Variants in ZNF605 observed in about 807,000 individuals in gnomAD.
ZNF605 encodes the protein zinc finger protein 605.
Under a neutral mutation model 7.9 loss-of-function variants are expected in ZNF605, and 9 were observed. The observed-to-expected ratio is 1.14, with a 90% CI of 0.68 to 1.98. The LOEUF (loss-of-function observed/expected upper bound fraction) is 1.98. ZNF605 is among the 30% of genes most tolerant of loss of function. The probability of loss-of-function intolerance (pLI) is 0.00; values close to 1 mark genes in which losing one functional copy is unlikely to be tolerated. For synonymous variants in ZNF605, 255 were observed against 260.1 expected, an observed-to-expected ratio of 0.98 and a Z score of 0.19; for missense variants, 673 against 762.4, an observed-to-expected ratio of 0.88 and a Z score of 1.38.
At position 132,933,951 on chromosome 12, in the gene ZNF605, T is replaced by A. The variant is rs1252154081; in HGVS notation, c.16-796A>T. On this transcript the variant is annotated intron_variant, in intron 3 of 4. Transcript: ENST00000360187. The surrounding 1 kb of genome is among the most constrained non-coding windows in gnomAD (Gnocchi z 4.4). Reference sequence around the variant, plus strand: ...AGCATGCCTGGCCTCTGTCTGCTAATGACAGTAATATCTCTCAGTCACTGG... The same window carrying A: ...AGCATGCCTGGCCTCTGTCTGCTAAAGACAGTAATATCTCTCAGTCACTGG... Among the ~76,000 whole-genome samples, 2 of 152,236 alleles carry A rather than the reference T, an allele frequency of 1.3e-5. No homozygotes were observed. Among genetic ancestry groups the A allele is most frequent in the African/African-American group, 4.8e-5 (2 of 41,472 alleles).
At chr12:132,935,165 C>T (rs1165333819) in intron 3 of ZNF605, among the ~76,000 whole-genome samples, 2 of 152,070 alleles carry the variant, frequency 1.3e-5, no homozygotes, top group Admixed American at 6.6e-5. Context: ...CATTCCAGTC[C>T]CAGCAGCTAC....
At position 132,922,018 on chromosome 12, in the gene ZNF605, GT is replaced by G. The variant is rs1401137230; in HGVS notation, c.*3354del. ...TTTCCGGTGAGAACTGATGGGAAAG[GT>G]GGTGTGGATTCGTGGACGAAGTCTC... is the stretch of plus-strand genomic sequence containing the variant. On this transcript the variant is annotated 3_prime_UTR_variant, in exon 5 of 5. Transcript: ENST00000360187. 1 of 152,260 alleles carries G rather than the reference GT, an allele frequency of 6.6e-6. No individual in the cohort carries two copies. The highest frequency in any genetic ancestry group is 6.5e-5 in the Admixed American group (1 of 15,286). The allele number at this position is 152,260 out of a possible 1,614,324, so 9.4% of individuals were successfully genotyped here.
intron 1 of ZNF605, among the ~76,000 whole-genome samples, chr12:132,955,249 C>T (rs1952624607): frequency 6.6e-6 from 1 of 152,118 alleles, no homozygotes; most frequent in Non-Finnish European, 1.5e-5. Context: ...TAGCAAAGAC[C>T]AGGCCTGGCC....
Position 132,926,892 on chromosome 12 carries a change from G to C in ZNF605, c.407C>G (p.Thr136Ser). The change falls in exon 5 of 5, where the codon ACC becomes AGC. Residue 136 changes from threonine to serine, a missense_variant. Transcript: ENST00000360187. ...KLLFCIKPGR[T>S]HGGIKYCDCS... ...ATCACAGTATTTTATCCCACCATGGGTTCTGCCAGGTTTGATACAGAACAA... is the reference window on the plus strand; with the variant it reads ...ATCACAGTATTTTATCCCACCATGGCTTCTGCCAGGTTTGATACAGAACAA... 1 of 1,614,014 alleles carries C rather than the reference G, an allele frequency of 6.2e-7. No individual in the cohort carries two copies. Among genetic ancestry groups the C allele is most frequent in the Non-Finnish European group, 8.5e-7 (1 of 1,180,002 alleles).
chr12:132,937,227 C>T (rs1410102750), intron 3 of ZNF605, among the ~76,000 whole-genome samples: 1 of 151,878 alleles, frequency 6.6e-6, no homozygotes. Flanking sequence ...GGCATGGTGA[C>T]ACGCACCTGT....
chr12:132,952,587 G>A (rs1161513770), intron 1 of ZNF605, among the ~76,000 whole-genome samples: 4 of 151,816 alleles, frequency 2.6e-5, no homozygotes, highest in South Asian at 2.1e-4. Context: ...AGTCCGCCAC[G>A]GAAGGCTGGG....
intron 2 of ZNF605, among the ~76,000 whole-genome samples, chr12:132,947,549 G>C (rs922682885): frequency 6.6e-6 from 1 of 152,170 alleles, no homozygotes; most frequent in Non-Finnish European, 1.5e-5. Context: ...CTGGGCTCAA[G>C]TGATCCACTG....
chr12:132,934,703 TAAAAA>T (rs1287567047), intron 3 of ZNF605, among the ~76,000 whole-genome samples: 1 of 25,502 alleles, frequency 3.9e-5, no homozygotes, highest in South Asian at 2.6e-3. Flanking sequence ...AGATTCCGTC[TAAAAA>T]AAAAAAAAAA....
intron 4 of ZNF605, among the ~76,000 whole-genome samples, chr12:132,930,213 T>C (rs1422913516): frequency 1.3e-5 from 2 of 152,158 alleles, no homozygotes; most frequent in South Asian, 4.1e-4. Flanking sequence ...AATATCCTTC[T>C]TGTAGAGATG....
At chr12:132,950,823 ACACT>A (rs1219966773) in intron 1 of ZNF605, among the ~76,000 whole-genome samples, 3 of 152,052 alleles carry the variant, frequency 2.0e-5, no homozygotes, top group Non-Finnish European at 2.9e-5. Context: ...ACATGTACAC[ACACT>A]GATAACGAAC....
At position 132,938,242 on chromosome 12, in the gene ZNF605, A is replaced by C. The variant is rs369157691; in HGVS notation, c.16-5087T>G. Among the ~76,000 whole-genome samples the C allele has an allele frequency of 1.8e-3, 279 of 152,076 alleles. 1 individual carries two copies. The highest frequency in any genetic ancestry group is 3.1e-3 in the Non-Finnish European group (210 of 67,976). On this transcript the variant is annotated intron_variant, in intron 3 of 4. Transcript: ENST00000360187. Reference sequence around the variant, plus strand: ...TGATCCACCTGCCTCGGCCTCCCAAAGTGCTGGGATTACAGGCAAGAGCCA... The same window carrying C: ...TGATCCACCTGCCTCGGCCTCCCAACGTGCTGGGATTACAGGCAAGAGCCA...
rs1952217861 is a variant in ZNF605 at position 132,923,020 on chromosome 12, A to G, written c.*2353T>C. On this transcript the variant is annotated 3_prime_UTR_variant, in exon 5 of 5. Coordinates refer to ENST00000360187, the MANE Select transcript of ZNF605 (RefSeq NM_183238.4). ...CTCAGCACACATGCAGATCCACAAT[A>G]CATACAATTTCTGTCATGTGCCTGC... 6.6e-6 allele frequency: 1 copy of G among 152,210 alleles called. No individual in the cohort carries two copies. Among genetic ancestry groups the G allele is most frequent in the Admixed American group, 6.5e-5 (1 of 15,272 alleles). 9.4% of individuals were successfully genotyped at this position (152,210 alleles called of 1,614,324 possible). A position where few individuals can be genotyped will look rare whatever the true frequency, so the allele number is the denominator to read the frequency against.
intron 4 of ZNF605, among the ~76,000 whole-genome samples, chr12:132,929,659 T>C (rs1952285820): frequency 6.6e-6 from 1 of 152,060 alleles, no homozygotes. Context: ...AAAATATGTC[T>C]ATCCAGGCCG....
intron 1 of ZNF605, among the ~76,000 whole-genome samples, chr12:132,954,557 C>T (rs1952615082): frequency 7.7e-6 from 1 of 130,588 alleles, no homozygotes. Flanking sequence ...CACAGAGCCC[C>T]TCCCCTGTAA....
Position 132,926,434 on chromosome 12 carries a change from C to G in ZNF605, c.865G>C (p.Ala289Pro). ...ATGAGTTTTAATTTCTGGGAGAATG[C>G]TTTCCCACACTCACTGCAACTGTAG... ...KPYSCSECGK[A>P]FSQKLKLITH... is the part of the protein sequence containing the mutation. The change falls in exon 5 of 5, where the codon GCA (alanine) becomes CCA (proline). Residue 289 changes from alanine (A) to proline (P), a missense_variant. Ala to Pro is a conservative substitution (Grantham distance 27). Coordinates refer to ENST00000360187, the MANE Select transcript of ZNF605 (RefSeq NM_183238.4). 6.2e-7 allele frequency: 1 copy of G among 1,614,108 alleles called. No homozygotes were observed. The highest frequency in any genetic ancestry group is 8.5e-7 in the Non-Finnish European group (1 of 1,180,002).
At chr12:132,934,689 A>G (rs1316343871) in intron 3 of ZNF605, among the ~76,000 whole-genome samples, 1 of 138,798 alleles carries the variant, frequency 7.2e-6, no homozygotes, top group African/African-American at 2.7e-5. Flanking sequence ...CTGGTGACAG[A>G]GCAAGATTCC....
At chr12:132,953,178 C>T (rs1022062184) in intron 1 of ZNF605, among the ~76,000 whole-genome samples, 13 of 152,188 alleles carry the variant, frequency 8.5e-5, no homozygotes, top group African/African-American at 3.1e-4. Context: ...CTCTCACTCA[C>T]CCCATGTGCC....
chr12:132,954,186 T>C (rs2272367), intron 1 of ZNF605, among the ~76,000 whole-genome samples: 91,173 of 149,624 alleles, frequency 0.61, 28,893 homozygotes, highest in African/African-American at 0.78. Flanking sequence ...TGACTGGACC[T>C]CAGTGACTCC....
In ZNF605 at chr12:132,927,144, G is replaced by A; in HGVS notation, c.155C>T (p.Pro52Leu). 3.9e-6 allele frequency: 6 copies of A among 1,557,956 alleles called. No individual in the cohort carries two copies. The highest frequency in any genetic ancestry group is 1.4e-5 in the African/African-American group (1 of 72,316). The change falls in exon 5 of 5, where the codon CCC (proline) becomes CTC (leucine). Residue 52 changes from proline to leucine, a missense_variant. Pro to Leu is a moderately conservative substitution (Grantham distance 98). Coordinates refer to ENST00000360187, the MANE Select transcript of ZNF605 (RefSeq NM_183238.4). ...LVFLEVWLDN[P>L]KMWLRDNQDN... ...TTGATTATCTCGGAGCCACATTTTGGGATTATCTAGCCAGACTTCTAAAAA... is the reference window on the plus strand; with the variant it reads ...TTGATTATCTCGGAGCCACATTTTGAGATTATCTAGCCAGACTTCTAAAAA...
Sources: allele counts gnomAD v4.1 joint callset (sites outside exome capture counted in the v4.1 genomes callset), GRCh38; gene constraint gnomAD v4.1.1; non-coding constraint Gnocchi (gnomAD v3.1); transcripts MANE v1.5; gene names NCBI Gene and HGNC (gene_info 2026-07-23, HGNC 2026-07-21).